TMPRSS6: variants seen among roughly 807,000 people sequenced by gnomAD.
TMPRSS6 encodes transmembrane serine protease 6.
TMPRSS6 carries 67 observed loss-of-function variants against 101.5 expected under a neutral mutation model. The observed-to-expected ratio is 0.66, with a 90% CI of 0.54 to 0.81. TMPRSS6 has a LOEUF of 0.81. Among genes scored for constraint, TMPRSS6 ranks in the 30% least tolerant of loss-of-function variants. The pLI, the probability that TMPRSS6 is intolerant of heterozygous loss-of-function variation, is 0.00. For missense variants in TMPRSS6, 1,034 were observed against 1,088.7 expected (o/e 0.95, Z 0.71); for synonymous variants, 453 against 464.9 (o/e 0.97, Z 0.33).
chr22:37,096,795 C>T, intron 3 of TMPRSS6, 80 bp from the exon 4 acceptor site: 4 of 1,371,832 alleles, frequency 2.9e-6, no homozygotes, highest in Non-Finnish European at 4.1e-6. Flanking sequence ...GTGCCCTTTG[C>T]TCCTACTGGC....
rs1930332716 is a variant in TMPRSS6 at position 37,101,810 on chromosome 22, C to T, written c.202+1406G>A. Reference sequence around the variant, plus strand: ...AATTGGCAGGTGAGTTCCTGGCCCTCCAGCCCAGTGCCCCGTGGTTTACCC... The same window carrying T: ...AATTGGCAGGTGAGTTCCTGGCCCTTCAGCCCAGTGCCCCGTGGTTTACCC... On this transcript the variant is annotated intron_variant, in intron 2 of 17. Transcript: ENST00000676104. The surrounding 1 kb of genome is among the most constrained non-coding windows in gnomAD (Gnocchi z 4.1). Among the ~76,000 whole-genome samples the T allele has an allele frequency of 6.6e-6, 1 of 152,186 alleles. No homozygotes were observed. The highest frequency in any genetic ancestry group is 1.5e-5 in the Non-Finnish European group (1 of 68,030).
rs1929785993 is a variant in TMPRSS6 at position 37,096,632 on chromosome 22, G to C, written c.404+16C>G. ...CAGCTTCTTGCAGGAGCTGGTCAGGGGCAAGGACAACTCACCCAAAGGAAT... is the reference window on the plus strand; with the variant it reads ...CAGCTTCTTGCAGGAGCTGGTCAGGCGCAAGGACAACTCACCCAAAGGAAT... On this transcript the variant is annotated intron_variant, in intron 4 of 17. Transcript: ENST00000676104. 1.3e-6 allele frequency: 2 copies of C among 1,557,676 alleles called. No homozygotes were observed. Among genetic ancestry groups the C allele is most frequent in the South Asian group, 1.2e-5 (1 of 84,322 alleles).
At chr22:37,079,906 C>T (rs542527166) in intron 10 of TMPRSS6, among the ~76,000 whole-genome samples, 94 of 152,370 alleles carry the variant, frequency 6.2e-4, no homozygotes, top group African/African-American at 2.1e-3. Flanking sequence ...TGGCCACTAG[C>T]GCTCCGGAGA....
chr22:37,067,106 C>A, intron 16 of TMPRSS6, 144 bp from the exon 17 acceptor site: 1 of 1,209,308 alleles, frequency 8.3e-7, no homozygotes, highest in Non-Finnish European at 1.2e-6. Context: ...GTCGCACCTG[C>A]CCCTCTGCCT....
At chr22:37,093,826 C>A (rs186993137) in intron 6 of TMPRSS6, among the ~76,000 whole-genome samples, 44 of 151,690 alleles carry the variant, frequency 2.9e-4, no homozygotes, top group African/African-American at 1.1e-3. Flanking sequence ...AGCTCGAGAC[C>A]AGCCTGGCCA....
rs200285101 is a variant in TMPRSS6 at position 37,105,055 on chromosome 22, T to TC, written c.-1-1638dup. Among the ~76,000 whole-genome samples, 804 of 152,222 alleles carry TC rather than the reference T, an allele frequency of 5.3e-3. 12 individuals carry two copies. Among genetic ancestry groups the TC allele is most frequent in the African/African-American group, 0.018 (740 of 41,514 alleles). On this transcript the variant is annotated intron_variant, in intron 1 of 17. Coordinates refer to ENST00000676104, the MANE Select transcript of TMPRSS6 (RefSeq NM_001374504.1). ...ATCTTGGGATTTTACACAGCGGGTT[T>TC]CCAAAAACGGGGCTCTTTAGTAATG...
In TMPRSS6 at chr22:37,070,985, C is replaced by T. The variant is rs376394575; in HGVS notation, c.1603G>A (p.Val535Met). Residue 535 changes from valine to methionine, a missense_variant, in exon 14 of 18, where the codon GTG (valine) becomes ATG (methionine). Physicochemically the swap from Val to Met is conservative, Grantham distance 21 (BLOSUM62 1). Coordinates refer to ENST00000676104, the MANE Select transcript of TMPRSS6 (RefSeq NM_001374504.1). ...FTFQCEDRSC[V>M]KKPNPQCDGR... Reference sequence around the variant, plus strand: ...TCACACTGCGGGTTGGGCTTCTTCACGCAGCTCCGGTCCTCACACTGGAAG... The same window carrying T: ...TCACACTGCGGGTTGGGCTTCTTCATGCAGCTCCGGTCCTCACACTGGAAG... 114 of 1,613,276 alleles carry T rather than the reference C, an allele frequency of 7.1e-5. No homozygotes were observed. The highest frequency in any genetic ancestry group is 8.4e-5 in the Non-Finnish European group (99 of 1,179,992).
Position 37,065,864 on chromosome 22 carries a change from C to T in TMPRSS6, c.*216G>A. On this transcript the variant is annotated 3_prime_UTR_variant, in exon 18 of 18. Transcript: ENST00000676104. The stretch of plus-strand genomic sequence containing the variant: ...AGAAGGGCTGGGTGTGGGCCTGGGT[C>T]CTCAGGGGACGTCTTGACCCCCAGC... The T allele has an allele frequency of 1.6e-6, 1 of 618,754 alleles. No homozygotes were observed. The highest frequency in any genetic ancestry group is 2.8e-5 in the Admixed American group (1 of 36,200). 38.3% of individuals were successfully genotyped at this position (618,754 alleles called of 1,614,324 possible).
chr22:37,084,186 C>T, intron 10 of TMPRSS6, 109 bp downstream of exon 10: 3 of 962,498 alleles, frequency 3.1e-6, no homozygotes, highest in Non-Finnish European at 3.3e-6. Context: ...CCCTTGCTGC[C>T]CCTCTGAGAT....
In TMPRSS6 at chr22:37,068,773, C is replaced by T. The variant is rs965739937; in HGVS notation, c.2113+300G>A. ...ATTAAGAGCCTTCCACCCTTGCAGC[C>T]CAAGGAACAGCAGGTGGAGCTTGCA... is the stretch of plus-strand genomic sequence containing the variant. On this transcript the variant is annotated intron_variant, in intron 16 of 17. Transcript: ENST00000676104. 1.3e-5 allele frequency: 10 copies of T among 742,710 alleles called. No homozygotes were observed. The African/African-American group carries it at 1.7e-4, about 13-fold the overall frequency. 46.0% of individuals were successfully genotyped at this position (742,710 alleles called of 1,614,324 possible).
intron 2 of TMPRSS6, among the ~76,000 whole-genome samples, chr22:37,102,326 G>C (rs929643097): frequency 6.6e-6 from 1 of 152,202 alleles, no homozygotes; most frequent in South Asian, 2.1e-4. Context: ...ACAAGGACAG[G>C]GGCTATCCCC....
rs779948972 is a variant in TMPRSS6, at chr22:37,089,660, G to A, written c.754C>T (p.Leu252=). ...CGGCACTCTGCCAGCGTCCACTCCA[G>A]CCGGAGTTTGAGCATGAGGTCCTTG... ...GPKDLMLKLR[L]EWTLAECRDR... is the part of the protein sequence containing the mutation. Residue 252 remains leucine (L), a synonymous_variant, in exon 7 of 18, where the codon CTG becomes TTG. Coordinates refer to ENST00000676104, the MANE Select transcript of TMPRSS6 (RefSeq NM_001374504.1). 2 of 1,612,596 alleles carry A rather than the reference G, an allele frequency of 1.2e-6. No individual in the cohort carries two copies. The highest frequency in any genetic ancestry group is 2.2e-5 in the South Asian group (2 of 90,728).
intron 9 of TMPRSS6, 41 bp downstream of exon 9, chr22:37,084,686 T>C (rs1214493501): frequency 1.3e-6 from 2 of 1,499,240 alleles, no homozygotes; most frequent in Non-Finnish European, 1.8e-6. Flanking sequence ...TGTAGTGTGC[T>C]TGCGGCAGAG....
chr22:37,092,151 GA>G (rs762059373), intron 6 of TMPRSS6, among the ~76,000 whole-genome samples: 32 of 148,874 alleles, frequency 2.1e-4, no homozygotes, highest in Middle Eastern at 7.0e-3. Flanking sequence ...TTGTTAATCA[GA>G]AACACCTTCA....
At chr22:37,100,117 A>G (rs1465314915) in intron 2 of TMPRSS6, among the ~76,000 whole-genome samples, 2 of 152,086 alleles carry the variant, frequency 1.3e-5, no homozygotes, top group Non-Finnish European at 2.9e-5. Context: ...ACAGGCATGC[A>G]CCACCACGCC....
chr22:37,078,812 AAGG>A (rs1927931767), intron 10 of TMPRSS6, among the ~76,000 whole-genome samples: 3 of 143,206 alleles, frequency 2.1e-5, no homozygotes, highest in Non-Finnish European at 4.6e-5. Flanking sequence ...GGAAGAGGAG[AAGG>A]AGAAGAAGAA....
At chr22:37,073,160 G>GTGGATGGA (rs375343726) in intron 13 of TMPRSS6, among the ~76,000 whole-genome samples, 2,475 of 138,102 alleles carry the variant, frequency 0.018, 25 homozygotes, top group Non-Finnish European at 0.024. Flanking sequence ...AGATGGGTGG[G>GTGGATGGA]TGGATGGATG....
At chr22:37,067,828 G>A (rs1399153872) in intron 16 of TMPRSS6, among the ~76,000 whole-genome samples, 1 of 151,990 alleles carries the variant, frequency 6.6e-6, no homozygotes, top group Non-Finnish European at 1.5e-5. Flanking sequence ...GCAAGGCCCT[G>A]TCTGCCATTC....
intron 4 of TMPRSS6, 51 bp from the exon 5 acceptor site, chr22:37,096,141 C>G: frequency 6.3e-7 from 1 of 1,599,618 alleles, no homozygotes; most frequent in Non-Finnish European, 8.6e-7. Flanking sequence ...GAGGTCTGGC[C>G]CCAGCTCCAC....
Sources: gnomAD v4.1 joint callset for allele counts (sites outside exome capture counted in the v4.1 genomes callset) on GRCh38, gnomAD v4.1.1 for gene constraint, Gnocchi (gnomAD v3.1) non-coding constraint, MANE v1.5 for transcripts, NCBI Gene and HGNC (gene_info 2026-07-23, HGNC 2026-07-21) for gene names.